Variants in PIK3C3 observed in about 807,000 individuals in gnomAD.
PIK3C3 encodes the protein PI3-kinase type 3.
In PIK3C3, 95 loss-of-function variants were observed where a neutral mutation model predicts 126.1. That is an observed-to-expected ratio of 0.75 (90% CI 0.64 to 0.89). The LOEUF is 0.89. Ranked by LOEUF, PIK3C3 falls within the 40% of genes least tolerant of loss-of-function variation. The pLI, the probability that PIK3C3 is intolerant of heterozygous loss-of-function variation, is 0.00. For missense variants in PIK3C3, 829 were observed against 1,063.2 expected (o/e 0.78, Z 3.06); for synonymous variants, 374 against 360.0 (o/e 1.04, Z -0.44).
At chr18:41,981,517 A>T (rs943417873) in intron 4 of PIK3C3, among the ~76,000 whole-genome samples, 16 of 152,238 alleles carry the variant, frequency 1.1e-4, no homozygotes, top group Non-Finnish European at 2.1e-4. Flanking sequence ...AATCAGGAAG[A>T]TAGAAGAAAC....
intron 10 of PIK3C3, among the ~76,000 whole-genome samples, chr18:42,007,062 G>T (rs1016149579): frequency 1.3e-5 from 2 of 151,938 alleles, no homozygotes; most frequent in Non-Finnish European, 2.9e-5. Flanking sequence ...TAGAGACGGG[G>T]TTTCACCGTG....
At chr18:41,976,958 A>G (rs1363976662) in intron 4 of PIK3C3, among the ~76,000 whole-genome samples, 1 of 152,252 alleles carries the variant, frequency 6.6e-6, no homozygotes, top group African/African-American at 2.4e-5. Flanking sequence ...AATAAGTATC[A>G]GTGACATATG....
chr18:42,008,426 G>A (rs1402426212), intron 10 of PIK3C3, among the ~76,000 whole-genome samples: 1 of 152,144 alleles, frequency 6.6e-6, no homozygotes, highest in Non-Finnish European at 1.5e-5. Flanking sequence ...AGACTGGAGT[G>A]TGGGATATAT....
chr18:41,973,530 A>C (rs761592368), intron 4 of PIK3C3, among the ~76,000 whole-genome samples: 3 of 152,088 alleles, frequency 2.0e-5, no homozygotes, highest in South Asian at 2.1e-4. Flanking sequence ...TTCTTAACTT[A>C]AAATTATTTT....
In PIK3C3 at chr18:42,075,980, TC is replaced by T. The variant is rs145749151; in HGVS notation, c.2650-5142del. Among the ~76,000 whole-genome samples the T allele has an allele frequency of 5.6e-3, 833 of 149,238 alleles. 11 individuals carry two copies. Among genetic ancestry groups the T allele is most frequent in the African/African-American group, 0.019 (797 of 40,916 alleles). Reference sequence around the variant, plus strand: ...AGATAACCCGTGTGCAGTTCTTCCATCAGTACTGAAAATCTGTTCTCTAGTG... The same window carrying T: ...AGATAACCCGTGTGCAGTTCTTCCATAGTACTGAAAATCTGTTCTCTAGTG... On this transcript the variant is annotated intron_variant, in intron 24 of 24. Coordinates refer to ENST00000262039, the MANE Select transcript of PIK3C3 (RefSeq NM_002647.4).
chr18:41,981,069 A>G (rs1477440795), intron 4 of PIK3C3, among the ~76,000 whole-genome samples: 1 of 152,204 alleles, frequency 6.6e-6, no homozygotes, highest in Admixed American at 6.5e-5. Context: ...TTGTATAAAT[A>G]TCTGGTATAG....
rs759335634 is a variant in PIK3C3, at chr18:42,033,894, G to A, written c.1776G>A (p.Pro592=). 29 of 1,604,398 alleles carry A rather than the reference G, an allele frequency of 1.8e-5. No homozygotes were observed. The highest frequency in any genetic ancestry group is 1.7e-4 in the Middle Eastern group (1 of 6,042). The change falls in exon 16 of 25, where the codon CCG becomes CCA. Residue 592 remains proline, a synonymous_variant. Coordinates refer to ENST00000262039, the MANE Select transcript of PIK3C3 (RefSeq NM_002647.4). ...KMNLSDVELI[P]LPLEPQVKIR... ...ATTTGTCAGATGTGGAACTTATCCC[G>A]TTGCCTTTAGAACCCCAAGTGAAAA... is the stretch of plus-strand genomic sequence containing the variant.
chr18:41,960,825 C>T (rs1157364541), intron 2 of PIK3C3, among the ~76,000 whole-genome samples: 3 of 151,580 alleles, frequency 2.0e-5, no homozygotes, highest in Non-Finnish European at 4.4e-5. Flanking sequence ...TCACTGCAGT[C>T]TTCACCCTCT....
chr18:42,050,277 A>G (rs1413012060), intron 21 of PIK3C3: 1 of 152,076 alleles, frequency 6.6e-6, no homozygotes, highest in Non-Finnish European at 1.5e-5. Flanking sequence ...ATCTACCTTT[A>G]ATTATTTGCT....
chr18:42,076,141 TATGC>T (rs551484737), intron 24 of PIK3C3, among the ~76,000 whole-genome samples: 764 of 70,968 alleles, frequency 0.011, 30 homozygotes, highest in East Asian at 0.06. Context: ...TATATATATA[TATGC>T]GCATATATAT....
At chr18:41,995,825 T>C (rs1306351372) in intron 7 of PIK3C3, 65 bp from the exon 8 acceptor site, 5 of 1,114,802 alleles carry the variant, frequency 4.5e-6, no homozygotes, top group Non-Finnish European at 6.8e-6. Flanking sequence ...TTTCTATTTA[T>C]GAATAGCTTT....
At chr18:42,072,920 A>G (rs889010523) in intron 24 of PIK3C3, among the ~76,000 whole-genome samples, 1 of 152,136 alleles carries the variant, frequency 6.6e-6, no homozygotes, top group African/African-American at 2.4e-5. Flanking sequence ...CAGTTGCACA[A>G]GTAGGCCTTT....
chr18:42,038,106 A>AT (rs980767470), intron 17 of PIK3C3, among the ~76,000 whole-genome samples: 2 of 151,850 alleles, frequency 1.3e-5, no homozygotes, highest in Non-Finnish European at 1.5e-5. Flanking sequence ...AGTCTATTAA[A>AT]TTTTTTTTAA....
At chr18:42,064,402 T>TATAAA (rs1160551899) in intron 22 of PIK3C3, among the ~76,000 whole-genome samples, 1 of 152,122 alleles carries the variant, frequency 6.6e-6, no homozygotes, top group Non-Finnish European at 1.5e-5. Context: ...TTTTAATTGT[T>TATAAA]ATAAAATGTG....
chr18:41,957,066 G>A (rs1474717747), intron 1 of PIK3C3, among the ~76,000 whole-genome samples: 1 of 152,128 alleles, frequency 6.6e-6, no homozygotes, highest in Admixed American at 6.5e-5. Context: ...ATAAAAACAT[G>A]CAGTTAAAAG....
rs1320713716 is a variant in PIK3C3, at chr18:42,064,959, T to C, written c.2523+129T>C. 5.1e-6 allele frequency: 3 copies of C among 584,126 alleles called. No homozygotes were observed. In the African/African-American group the frequency reaches 5.6e-5, roughly 11 times the overall value. The allele number at this position is 584,126 out of a possible 1,614,324, so 36.2% of individuals were successfully genotyped here. On this transcript the variant is annotated intron_variant, in intron 23 of 24. Transcript: ENST00000262039. ...TTGTTCCTGCCCACAGTCACATGAATAGGTTCTCTCATCTGGAGAGACAGT... is the reference window on the plus strand; with the variant it reads ...TTGTTCCTGCCCACAGTCACATGAACAGGTTCTCTCATCTGGAGAGACAGT...
Position 42,027,491 on chromosome 18 carries a change from A to G in PIK3C3, c.1533A>G (p.Pro511=), listed in dbSNP as rs747324119. Reference sequence around the variant, plus strand: ...ATCAAGATACTCAGCAGAGAGATCCAAAGACCCATGAGATGTACTTGAACG... The same window carrying G: ...ATCAAGATACTCAGCAGAGAGATCCGAAGACCCATGAGATGTACTTGAACG... ...CEDQDTQQRD[P]KTHEMYLNVM... is the part of the protein sequence containing the mutation. The change falls in exon 14 of 25, where the codon CCA becomes CCG. Residue 511 remains proline, a synonymous_variant. Coordinates refer to ENST00000262039, the MANE Select transcript of PIK3C3 (RefSeq NM_002647.4). 1 of 1,612,288 alleles carries G rather than the reference A, an allele frequency of 6.2e-7. No homozygotes were observed. Among genetic ancestry groups the G allele is most frequent in the South Asian group, 1.1e-5 (1 of 91,018 alleles).
At chr18:42,046,558 A>T (rs1567999055) in intron 20 of PIK3C3, among the ~76,000 whole-genome samples, 1 of 152,160 alleles carries the variant, frequency 6.6e-6, no homozygotes, top group Non-Finnish European at 1.5e-5. Flanking sequence ...TGGAATAAAA[A>T]AACTAACAAC....
At chr18:41,966,168 A>G (rs1024284872) in intron 3 of PIK3C3, among the ~76,000 whole-genome samples, 1 of 139,566 alleles carries the variant, frequency 7.2e-6, no homozygotes, top group Non-Finnish European at 1.5e-5. Flanking sequence ...TTTGCTAAGT[A>G]TATTGTTCCT....
Sources: allele counts gnomAD v4.1 joint callset (sites outside exome capture counted in the v4.1 genomes callset), GRCh38; gene constraint gnomAD v4.1.1; transcripts MANE v1.5; gene names NCBI Gene and HGNC (gene_info 2026-07-23, HGNC 2026-07-21).